The following ASTN2 variants were observed in gnomAD, a reference collection of about 807,000 sequenced individuals.
ASTN2 encodes the protein astrotactin-2.
A neutral mutation model predicts 139.8 loss-of-function variants in ASTN2; 54 were observed. The ratio of observed to expected loss-of-function variants is 0.39; its 90% CI spans 0.31 to 0.48. The LOEUF (loss-of-function observed/expected upper bound fraction) is 0.48, where lower values mean the gene tolerates loss of function less well. Ranked by LOEUF, ASTN2 falls within the 20% of genes least tolerant of loss-of-function variation. ASTN2 has a pLI of 0.95. For synonymous variants in ASTN2, 756 were observed against 719.5 expected (o/e 1.05, Z -0.81); for missense variants, 1,565 against 1,725.1 (o/e 0.91, Z 1.64).
At chr9:117,008,350 T>A in intron 6 of ASTN2, 91 bp from the exon 7 acceptor site, 1 of 1,186,558 alleles carries the variant, frequency 8.4e-7, no homozygotes, top group Non-Finnish European at 1.1e-6. Flanking sequence ...ACAAGCCACG[T>A]TCCCCAGGTC....
At chr9:117,348,931 C>T (rs973720357) in intron 1 of ASTN2, among the ~76,000 whole-genome samples, 1 of 151,690 alleles carries the variant, frequency 6.6e-6, no homozygotes, top group Non-Finnish European at 1.5e-5. Context: ...TGTGACTCCC[C>T]TCCCTCTGCC....
intron 10 of ASTN2, among the ~76,000 whole-genome samples, chr9:116,880,377 C>T (rs1342535285): frequency 6.6e-6 from 1 of 152,308 alleles, no homozygotes; most frequent in African/African-American, 2.4e-5. Context: ...TGAATATAAT[C>T]AGAAGCTTGG....
intron 10 of ASTN2, among the ~76,000 whole-genome samples, chr9:116,876,670 A>C (rs1833308594): frequency 6.6e-6 from 1 of 152,200 alleles, no homozygotes; most frequent in South Asian, 2.1e-4. Flanking sequence ...AGCTGTCAAC[A>C]CTGAAGCAAT....
At chr9:117,355,966 G>C (rs1217755191) in intron 1 of ASTN2, among the ~76,000 whole-genome samples, 1 of 152,170 alleles carries the variant, frequency 6.6e-6, no homozygotes, top group Non-Finnish European at 1.5e-5. Flanking sequence ...GAGATCAGGG[G>C]ACAGAGGGAA....
intron 19 of ASTN2, among the ~76,000 whole-genome samples, chr9:116,602,734 G>T (rs1854970983): frequency 6.6e-6 from 1 of 152,148 alleles, no homozygotes; most frequent in South Asian, 2.1e-4. Context: ...TTCGAGACCA[G>T]CCTGGGCAAC....
At chr9:116,955,699 G>C (rs1835686604) in intron 10 of ASTN2, among the ~76,000 whole-genome samples, 1 of 152,212 alleles carries the variant, frequency 6.6e-6, no homozygotes, top group Non-Finnish European at 1.5e-5. Flanking sequence ...CTGACTGTGT[G>C]GTCGTAGCAA....
chr9:116,941,353 A>G (rs909661509), intron 10 of ASTN2, among the ~76,000 whole-genome samples: 1 of 151,938 alleles, frequency 6.6e-6, no homozygotes, highest in African/African-American at 2.4e-5. Flanking sequence ...TTAGATTTAC[A>G]GAAGAGTTGC....
chr9:117,254,410 C>T (rs1011706539), intron 2 of ASTN2, among the ~76,000 whole-genome samples: 2 of 152,166 alleles, frequency 1.3e-5, no homozygotes, highest in Non-Finnish European at 2.9e-5. Flanking sequence ...TCTGTAAAGA[C>T]TACTACAACC....
intron 3 of ASTN2, among the ~76,000 whole-genome samples, chr9:117,210,149 T>C (rs913419339): frequency 6.6e-6 from 1 of 151,940 alleles, no homozygotes; most frequent in Non-Finnish European, 1.5e-5. Context: ...CTCAAGGATA[T>C]AGGAAAGCAA....
chr9:117,192,892 G>T (rs1034615284), intron 3 of ASTN2, among the ~76,000 whole-genome samples: 30 of 152,198 alleles, frequency 2.0e-4, no homozygotes, highest in African/African-American at 5.8e-4. Context: ...ATAACACACA[G>T]TTTATCATAT....
At chr9:117,006,943 C>T (rs553461877) in intron 7 of ASTN2, among the ~76,000 whole-genome samples, 13 of 152,188 alleles carry the variant, frequency 8.5e-5, no homozygotes, top group African/African-American at 1.9e-4. Context: ...GGTGAAACCC[C>T]CCATCTCTAC....
intron 13 of ASTN2, among the ~76,000 whole-genome samples, chr9:116,797,573 T>C (rs905617928): frequency 2.0e-5 from 3 of 152,194 alleles, no homozygotes; most frequent in African/African-American, 7.2e-5. Context: ...GTTGAGGATT[T>C]TGCTAAGAGC....
At chr9:116,524,701 T>C (rs1851016992) in intron 19 of ASTN2, among the ~76,000 whole-genome samples, 1 of 152,200 alleles carries the variant, frequency 6.6e-6, no homozygotes, top group Admixed American at 6.5e-5. Flanking sequence ...GTTGAAAACT[T>C]ATTAGTACCT....
chr9:116,577,940 G>A (rs554561452), intron 19 of ASTN2, among the ~76,000 whole-genome samples: 1 of 152,132 alleles, frequency 6.6e-6, no homozygotes, highest in Non-Finnish European at 1.5e-5. Flanking sequence ...CAGAGCCAGG[G>A]GATGGGAGAG....
chr9:117,160,277 G>T (rs13299059), intron 3 of ASTN2, among the ~76,000 whole-genome samples: 30,587 of 151,954 alleles, frequency 0.2, 3,523 homozygotes, highest in Middle Eastern at 0.33. Context: ...GTTCCTAGGG[G>T]GCAGGGGTCC....
At chr9:116,967,675 C>T (rs1181652549) in intron 10 of ASTN2, among the ~76,000 whole-genome samples, 1 of 152,222 alleles carries the variant, frequency 6.6e-6, no homozygotes, top group Non-Finnish European at 1.5e-5. Context: ...TCACCTCCAA[C>T]AGGACAGAGA....
intron 20 of ASTN2, among the ~76,000 whole-genome samples, chr9:116,480,069 A>G (rs138647861): frequency 1.9e-4 from 29 of 152,052 alleles, no homozygotes; most frequent in Non-Finnish European, 4.1e-4. Context: ...AAAGAAAGAA[A>G]AAGAGAGAGA....
chr9:116,862,807 T>TACACACACACAC lies in ASTN2; in HGVS notation c.2040+764_2040+775dup, dbSNP rs751612533. The stretch of plus-strand genomic sequence containing the variant: ...TTCAAGATACCCCAACACACACAAA[T>TACACACACACAC]ACACACACACACACACACACACACA... On this transcript the variant is annotated intron_variant, in intron 11 of 22. Coordinates refer to ENST00000313400, the MANE Select transcript of ASTN2 (RefSeq NM_001365068.1). 1.3e-3 allele frequency among the ~76,000 whole-genome samples: 116 copies of TACACACACACAC among 90,914 alleles called. 1 individual carries two copies. The highest frequency in any genetic ancestry group is 4.2e-3 in the African/African-American group (97 of 23,302). 59.6% of individuals were successfully genotyped at this position (90,914 alleles called of 152,430 possible). A position where few individuals can be genotyped will look rare whatever the true frequency, so the allele number is the denominator to read the frequency against.
intron 10 of ASTN2, among the ~76,000 whole-genome samples, chr9:116,944,570 TA>T (rs1178566372): frequency 3.3e-5 from 5 of 150,202 alleles, no homozygotes; most frequent in Admixed American, 2.7e-4. Context: ...TAATCCCAGC[TA>T]CTTGGGAGGC....
Sources: gnomAD v4.1 joint callset for allele counts (sites outside exome capture counted in the v4.1 genomes callset) on GRCh38, gnomAD v4.1.1 for gene constraint, MANE v1.5 for transcripts, NCBI Gene and HGNC (gene_info 2026-07-23, HGNC 2026-07-21) for gene names.